KIAA0319: variants seen among roughly 807,000 people sequenced by gnomAD.
KIAA0319 encodes dyslexia-associated protein KIAA0319.
In KIAA0319, 83 loss-of-function variants were observed where a neutral mutation model predicts 108.4. That is an observed-to-expected ratio of 0.77 (90% confidence interval 0.64 to 0.92). The LOEUF (loss-of-function observed/expected upper bound fraction) is 0.92. KIAA0319 is among the 40% of genes least tolerant of loss of function. The pLI is 0.00. For synonymous variants in KIAA0319, 484 were observed against 510.4 expected, an observed-to-expected ratio of 0.95 and a Z score of 0.70; for missense variants, 1,195 against 1,322.4, an observed-to-expected ratio of 0.90 and a Z score of 1.49.
chr6:24,569,908 G>A lies in KIAA0319; in HGVS notation c.1986C>T (p.His662=), dbSNP rs773644570. The A allele has an allele frequency of 3.9e-5, 63 of 1,614,016 alleles. No homozygotes were observed. The highest frequency in any genetic ancestry group is 2.5e-4 in the Admixed American group (15 of 60,018). ...DHGIVFYHWE[H]VRGPSAVEME... is the part of the protein sequence containing the mutation. ...TCAGTGGCGAGACAGACTACCTGACGTGCTCCCAGTGGTAGAAGACAATGC... is the reference window on the plus strand; with the variant it reads ...TCAGTGGCGAGACAGACTACCTGACATGCTCCCAGTGGTAGAAGACAATGC... The change falls in exon 12 of 21, where the codon CAC becomes CAT. Residue 662 remains histidine (H), a synonymous_variant. Transcript: ENST00000378214.
chr6:24,548,637 A>G (rs2127405646), intron 20 of KIAA0319, among the ~76,000 whole-genome samples: 2 of 152,298 alleles, frequency 1.3e-5, no homozygotes, highest in Middle Eastern at 6.8e-3. Context: ...TTTAGACAAG[A>G]GGACGGGGAA....
At chr6:24,605,009 T>C (rs34467467) in intron 1 of KIAA0319, among the ~76,000 whole-genome samples, 44,358 of 151,920 alleles carry the variant, frequency 0.29, 8,277 homozygotes, top group Non-Finnish European at 0.41. Context: ...CCCAGCTAAT[T>C]TTTGTATTTT....
intron 2 of KIAA0319, chr6:24,600,608 G>A: frequency 7.1e-7 from 1 of 1,407,454 alleles, no homozygotes; most frequent in Non-Finnish European, 9.7e-7. Flanking sequence ...CTCAATCCTT[G>A]GTATACTCAC....
intron 1 of KIAA0319, among the ~76,000 whole-genome samples, chr6:24,617,867 A>C (rs373598578): frequency 2.3e-4 from 35 of 152,076 alleles, no homozygotes; most frequent in African/African-American, 8.4e-4. Flanking sequence ...CACACCTATA[A>C]TCTCAGCTAC....
intron 1 of KIAA0319, among the ~76,000 whole-genome samples, chr6:24,629,396 T>C (rs1044492291): frequency 3.3e-5 from 5 of 150,906 alleles, no homozygotes; most frequent in Non-Finnish European, 5.9e-5. Flanking sequence ...GCGCCTGCAG[T>C]CCCAGCTACT....
At chr6:24,610,275 C>T (rs1417160849) in intron 1 of KIAA0319, among the ~76,000 whole-genome samples, 2 of 151,838 alleles carry the variant, frequency 1.3e-5, no homozygotes, top group African/African-American at 4.8e-5. Flanking sequence ...GAACAAGAAC[C>T]TGAATAGACA....
At chr6:24,607,705 T>G (rs1413820724) in intron 1 of KIAA0319, among the ~76,000 whole-genome samples, 1 of 152,390 alleles carries the variant, frequency 6.6e-6, no homozygotes, top group East Asian at 1.9e-4. Context: ...GGAAAGCGAC[T>G]AATTTAAAAC....
chr6:24,626,672 G>C (rs925541065), intron 1 of KIAA0319, among the ~76,000 whole-genome samples: 24 of 152,186 alleles, frequency 1.6e-4, no homozygotes, highest in Non-Finnish European at 2.8e-4. Flanking sequence ...ATTTTAAAAA[G>C]AAAATGTATT....
chr6:24,643,719 A>G (rs1397136421), intron 1 of KIAA0319, among the ~76,000 whole-genome samples: 4 of 152,266 alleles, frequency 2.6e-5, no homozygotes, highest in African/African-American at 7.2e-5. Flanking sequence ...CCTGAAAAAG[A>G]ACACATCTCA....
At chr6:24,584,431 TAAAAAAAAAA>T (rs5874993) in intron 4 of KIAA0319, among the ~76,000 whole-genome samples, 3 of 91,268 alleles carry the variant, frequency 3.3e-5, no homozygotes, top group South Asian at 7.9e-4. Flanking sequence ...AGCAAAGATT[TAAAAAAAAAA>T]AAAAAAAAAA....
At chr6:24,557,980 TATATC>T (rs763270123) in intron 17 of KIAA0319, among the ~76,000 whole-genome samples, 3 of 152,164 alleles carry the variant, frequency 2.0e-5, no homozygotes, top group Non-Finnish European at 2.9e-5. Flanking sequence ...TGGAAAAACA[TATATC>T]AGAGTATTAA....
At chr6:24,571,985 G>A (rs1040461540) in intron 11 of KIAA0319, among the ~76,000 whole-genome samples, 2 of 152,148 alleles carry the variant, frequency 1.3e-5, no homozygotes, top group African/African-American at 4.8e-5. Flanking sequence ...CACATCCCAG[G>A]GTCTAACTAA....
chr6:24,621,002 G>C (rs2127570098), intron 1 of KIAA0319, among the ~76,000 whole-genome samples: 1 of 152,274 alleles, frequency 6.6e-6, no homozygotes, highest in East Asian at 1.9e-4. Context: ...GGTGGGCATG[G>C]AAGAAAACTG....
chr6:24,558,965 C>A, intron 17 of KIAA0319, 48 bp downstream of exon 17: 1 of 1,537,434 alleles, frequency 6.5e-7, no homozygotes, highest in Non-Finnish European at 8.8e-7. Context: ...CAAACTTATC[C>A]ATGATTGGCA....
intron 2 of KIAA0319, chr6:24,598,182 G>A: frequency 2.1e-6 from 1 of 470,118 alleles, no homozygotes; most frequent in Non-Finnish European, 4.0e-6. Flanking sequence ...GTATGGGTCT[G>A]GGTGGAGGCT....
Position 24,602,471 on chromosome 6 carries a change from G to A in KIAA0319, c.-105-1263C>T, listed in dbSNP as rs373355894. 4.5e-4 allele frequency among the ~76,000 whole-genome samples: 68 copies of A among 152,336 alleles called. 1 individual carries two copies. In the South Asian group the frequency reaches 0.012, roughly 28 times the overall value. On this transcript the variant is annotated intron_variant, in intron 1 of 20. Coordinates refer to ENST00000378214, the MANE Select transcript of KIAA0319 (RefSeq NM_014809.4). ...GAACCGGGGTCAGAGGCTTGGAAGA[G>A]CATCCCAAACACAACATAAAGCACT...
At position 24,601,052 on chromosome 6, in the gene KIAA0319, C is replaced by T. The variant is rs1169839972; in HGVS notation, c.52G>A (p.Ala18Thr). ...CTCCAGGGTAGTAGTTCCCTACCTG[C>T]AATTGTCACCAGCAGCAGCAATGAA... is the stretch of plus-strand genomic sequence containing the variant. The part of the protein sequence containing the change: ...LSSLLLLVTI[A>T]GCARKQCSEG... The change falls in exon 2 of 21, where the codon GCA becomes ACA. Residue 18 changes from alanine (A) to threonine (T), a missense_variant. Ala to Thr is a moderately conservative substitution (Grantham distance 58, BLOSUM62 0). Coordinates refer to ENST00000378214, the MANE Select transcript of KIAA0319 (RefSeq NM_014809.4). The T allele has an allele frequency of 2.5e-6, 4 of 1,614,018 alleles. No homozygotes were observed. In the South Asian group the frequency reaches 4.4e-5, roughly 18 times the overall value.
downstream of KIAA0319, among the ~76,000 whole-genome samples, chr6:24,541,759 C>A (rs1760201171): frequency 6.6e-6 from 1 of 152,224 alleles, no homozygotes. Context: ...GATCATGCCA[C>A]TGCACTCCAG....
chr6:24,587,024 C>G (rs1201999923), intron 4 of KIAA0319, among the ~76,000 whole-genome samples: 2 of 152,172 alleles, frequency 1.3e-5, no homozygotes, highest in Non-Finnish European at 2.9e-5. Flanking sequence ...CAACTATCAC[C>G]TCCACACCGA....
Sources: allele counts gnomAD v4.1 joint callset (sites outside exome capture counted in the v4.1 genomes callset), GRCh38; gene constraint gnomAD v4.1.1; transcripts MANE v1.5; gene names NCBI Gene and HGNC (gene_info 2026-07-23, HGNC 2026-07-21).